The following BCAS3 variants were observed in gnomAD, a reference collection of about 807,000 sequenced individuals.
BCAS3 encodes the protein BCAS4/BCAS3 fusion.
A neutral mutation model predicts 116.1 loss-of-function variants in BCAS3; 53 were observed. The observed-to-expected ratio is 0.46, with a 90% confidence interval of 0.37 to 0.57. The LOEUF (loss-of-function observed/expected upper bound fraction) is 0.57, where lower values mean the gene tolerates loss of function less well. BCAS3 is among the 20% of genes least tolerant of loss of function. The pLI is 0.00. For synonymous variants in BCAS3, 391 were observed against 408.2 expected (o/e 0.96, Z 0.51); for missense variants, 917 against 1,165.4 (o/e 0.79, Z 3.10).
chr17:61,252,751 C>T (rs1250109839), intron 22 of BCAS3, among the ~76,000 whole-genome samples: 3 of 152,176 alleles, frequency 2.0e-5, no homozygotes, highest in Admixed American at 6.5e-5. Flanking sequence ...AGTGATAGAA[C>T]CAATTGTGGA....
At chr17:61,236,856 T>C (rs1602098311) in intron 22 of BCAS3, among the ~76,000 whole-genome samples, 1 of 151,518 alleles carries the variant, frequency 6.6e-6, no homozygotes, top group Middle Eastern at 3.5e-3. Flanking sequence ...CTAAAAGTGG[T>C]TTTATGCAGC....
At chr17:60,823,826 T>G (rs1453891959) in intron 7 of BCAS3, among the ~76,000 whole-genome samples, 1 of 152,186 alleles carries the variant, frequency 6.6e-6, no homozygotes, top group African/African-American at 2.4e-5. Context: ...GTGCTTTTTT[T>G]CACACAGAGA....
At chr17:61,345,290 G>C (rs1245638302) in intron 22 of BCAS3, among the ~76,000 whole-genome samples, 1 of 152,214 alleles carries the variant, frequency 6.6e-6, no homozygotes, top group Non-Finnish European at 1.5e-5. Flanking sequence ...ATTCTTTGGG[G>C]GCTGTGTTTT....
chr17:60,777,878 T>G (rs2045456008), intron 6 of BCAS3, among the ~76,000 whole-genome samples: 1 of 152,222 alleles, frequency 6.6e-6, no homozygotes, highest in African/African-American at 2.4e-5. Context: ...CTGCCTTTCT[T>G]TCTTAGTTAC....
At chr17:60,884,736 C>G (rs1205380980) in intron 9 of BCAS3, among the ~76,000 whole-genome samples, 1 of 146,062 alleles carries the variant, frequency 6.8e-6, no homozygotes, top group Non-Finnish European at 1.5e-5. Flanking sequence ...TGTTCAGTTT[C>G]CATGTAGTTG....
At chr17:60,979,795 T>G (rs1485900329) in intron 14 of BCAS3, among the ~76,000 whole-genome samples, 1 of 152,138 alleles carries the variant, frequency 6.6e-6, no homozygotes, top group African/African-American at 2.4e-5. Context: ...TGATGGATTA[T>G]GTTTACTGAT....
rs1421006713 is a variant in BCAS3 at position 61,145,972 on chromosome 17, C to T, written c.2425+61408C>T. On this transcript the variant is annotated intron_variant, in intron 22 of 23. Transcript: ENST00000407086. The surrounding 1 kb of genome is among the most constrained non-coding windows in gnomAD (Gnocchi z 5.0). Reference sequence around the variant, plus strand: ...CCTGGAATCTGAGATTACCTTTTATCCTCTTGATGGACCATGTTGTTATTT... The same window carrying T: ...CCTGGAATCTGAGATTACCTTTTATTCTCTTGATGGACCATGTTGTTATTT... Among the ~76,000 whole-genome samples, 4 of 152,102 alleles carry T rather than the reference C, an allele frequency of 2.6e-5. No individual in the cohort carries two copies. The highest frequency in any genetic ancestry group is 2.0e-4 in the Admixed American group (3 of 15,268).
At chr17:60,959,198 T>C (rs2061294990) in intron 14 of BCAS3, among the ~76,000 whole-genome samples, 1 of 152,020 alleles carries the variant, frequency 6.6e-6, no homozygotes, top group African/African-American at 2.4e-5. Flanking sequence ...TCCCACCTCC[T>C]TGGGAAGCTG....
rs1405889123 is a variant in BCAS3, at chr17:61,026,949, C to G, written c.1638-7717C>G. On this transcript the variant is annotated intron_variant, in intron 16 of 23. Transcript: ENST00000407086. This position sits in a 1 kb window ranked among gnomAD's most constrained non-coding sequence, Gnocchi z 5.0. ...CAGTCCCGCATGCCTCATTCATTTG[C>G]TGTACTCTCAAAAAGTAATTTGTTT... 3 of 1,568,270 alleles carry G rather than the reference C, an allele frequency of 1.9e-6. No individual in the cohort carries two copies. The highest frequency in any genetic ancestry group is 1.7e-6 in the Non-Finnish European group (2 of 1,150,172).
rs544611108 is a variant in BCAS3 at position 61,148,262 on chromosome 17, G to A, written c.2425+63698G>A. Among the ~76,000 whole-genome samples, 4 of 152,318 alleles carry A rather than the reference G, an allele frequency of 2.6e-5. No individual in the cohort carries two copies. The South Asian group carries it at 6.2e-4, about 24-fold the overall frequency. On this transcript the variant is annotated intron_variant, in intron 22 of 23. Coordinates refer to ENST00000407086, the MANE Select transcript of BCAS3 (RefSeq NM_017679.5). ...GTTTAGCTGATAGGTCTGTGAAACTGCCCTCAAATTTGGAGCCAACTCATT... is the reference window on the plus strand; with the variant it reads ...GTTTAGCTGATAGGTCTGTGAAACTACCCTCAAATTTGGAGCCAACTCATT...
At chr17:60,746,883 T>C (rs1291278426) in intron 5 of BCAS3, among the ~76,000 whole-genome samples, 1 of 152,184 alleles carries the variant, frequency 6.6e-6, no homozygotes, top group Non-Finnish European at 1.5e-5. Flanking sequence ...AGTTGTTTTG[T>C]TCTCAAAGAA....
chr17:61,042,891 CA>C (rs35629825), intron 19 of BCAS3, among the ~76,000 whole-genome samples: 132 of 58,288 alleles, frequency 2.3e-3, no homozygotes, highest in Non-Finnish European at 2.5e-3. Context: ...CTCCATCTCA[CA>C]AAAAAAAAAA....
chr17:61,271,679 A>C (rs191357923), intron 22 of BCAS3, among the ~76,000 whole-genome samples: 223 of 143,708 alleles, frequency 1.6e-3, no homozygotes, highest in African/African-American at 5.5e-3. Flanking sequence ...CTGGTTTCGA[A>C]CTCCTGACCT....
chr17:61,232,644 C>T (rs531416875), intron 22 of BCAS3, among the ~76,000 whole-genome samples: 88 of 152,200 alleles, frequency 5.8e-4, no homozygotes, highest in African/African-American at 1.8e-3. Flanking sequence ...GATCCAGGAC[C>T]GGTGTTCTCT....
At chr17:60,708,676 GCGGCACCACACC>G (rs1345866879) in intron 4 of BCAS3, among the ~76,000 whole-genome samples, 30 of 152,186 alleles carry the variant, frequency 2.0e-4, no homozygotes, top group African/African-American at 6.7e-4. Context: ...GATTACAGGT[GCGGCACCACACC>G]CGACTAATTT....
chr17:60,707,393 G>A (rs1322193131), intron 4 of BCAS3, among the ~76,000 whole-genome samples: 2 of 152,174 alleles, frequency 1.3e-5, no homozygotes, highest in Non-Finnish European at 2.9e-5. Context: ...CTCCCAAAGT[G>A]CCGGGATTAC....
At chr17:60,903,097 T>C (rs963843180) in intron 11 of BCAS3, among the ~76,000 whole-genome samples, 13 of 152,228 alleles carry the variant, frequency 8.5e-5, no homozygotes, top group Non-Finnish European at 1.5e-4. Flanking sequence ...GAGCTCTTTT[T>C]TTCATGTGTG....
chr17:61,038,772 G>A (rs776602096), intron 18 of BCAS3, among the ~76,000 whole-genome samples: 6 of 149,794 alleles, frequency 4.0e-5, no homozygotes, highest in African/African-American at 7.3e-5. Context: ...GTGTTCAAGC[G>A]GTTCTCCTGC....
chr17:61,238,557 G>C (rs1365046998), intron 22 of BCAS3, among the ~76,000 whole-genome samples: 1 of 152,004 alleles, frequency 6.6e-6, no homozygotes, highest in Admixed American at 6.6e-5. Flanking sequence ...CCATCATAAT[G>C]AGATAATCTG....
Sources: allele counts gnomAD v4.1 joint callset (sites outside exome capture counted in the v4.1 genomes callset), GRCh38; gene constraint gnomAD v4.1.1; non-coding constraint Gnocchi (gnomAD v3.1); transcripts MANE v1.5; gene names NCBI Gene and HGNC (gene_info 2026-07-23, HGNC 2026-07-21).